SSH2: variants seen among roughly 807,000 people sequenced by gnomAD.
SSH2 encodes protein phosphatase Slingshot homolog 2.
A neutral mutation model predicts 135.2 loss-of-function variants in SSH2; 37 were observed. The ratio of observed to expected loss-of-function variants is 0.27; its 90% CI spans 0.21 to 0.36. The LOEUF (loss-of-function observed/expected upper bound fraction) is 0.36. Among genes scored for constraint, SSH2 ranks in the 10% least tolerant of loss-of-function variants. The pLI is 1.00. For missense variants in SSH2, 1,408 were observed against 1,765.3 expected (o/e 0.80, Z 3.63); for synonymous variants, 628 against 646.2 (o/e 0.97, Z 0.43).
intron 1 of SSH2, among the ~76,000 whole-genome samples, chr17:29,852,479 A>T (rs368557070): frequency 2.0e-5 from 3 of 152,046 alleles, no homozygotes; most frequent in East Asian, 3.9e-4. Context: ...TTAGTTCTAA[A>T]TTAAATTCTG....
At chr17:29,817,902 C>A (rs2042585642) in intron 2 of SSH2, among the ~76,000 whole-genome samples, 1 of 151,910 alleles carries the variant, frequency 6.6e-6, no homozygotes, top group Non-Finnish European at 1.5e-5. Context: ...GGACTACAGG[C>A]ATGTGCCACC....
chr17:29,853,374 C>T (rs549529704), intron 1 of SSH2, among the ~76,000 whole-genome samples: 2 of 151,842 alleles, frequency 1.3e-5, no homozygotes, highest in East Asian at 3.9e-4. Context: ...CATGAGCCAC[C>T]GCGCGCGGCC....
chr17:29,662,813 C>A (rs1015946830), intron 11 of SSH2, among the ~76,000 whole-genome samples: 1 of 152,140 alleles, frequency 6.6e-6, no homozygotes. Context: ...GAAACACTTT[C>A]CCAAAAGATG....
intron 1 of SSH2, among the ~76,000 whole-genome samples, chr17:29,885,049 GC>G (rs1226393320): frequency 6.6e-6 from 1 of 152,122 alleles, no homozygotes; most frequent in Non-Finnish European, 1.5e-5. Context: ...CTGAGTACGG[GC>G]TAAAGTTTAA....
intron 9 of SSH2, 147 bp from the exon 10 acceptor site, chr17:29,667,370 G>A (rs1043166646): frequency 7.8e-6 from 5 of 639,892 alleles, no homozygotes; most frequent in Admixed American, 3.0e-5. Flanking sequence ...AACTTAGAGC[G>A]TGGGTCCCCA....
chr17:29,803,520 G>A (rs2042288534), intron 2 of SSH2, among the ~76,000 whole-genome samples: 1 of 152,120 alleles, frequency 6.6e-6, no homozygotes, highest in South Asian at 2.1e-4. Context: ...TCATCCTAAA[G>A]GCTAGGCTCA....
chr17:29,873,330 CAGT>C (rs1357086708), intron 1 of SSH2, among the ~76,000 whole-genome samples: 2 of 151,942 alleles, frequency 1.3e-5, no homozygotes, highest in Non-Finnish European at 2.9e-5. Flanking sequence ...GAGGCTGAGG[CAGT>C]AGATCACCTG....
intron 3 of SSH2, among the ~76,000 whole-genome samples, chr17:29,754,050 C>T (rs2041037979): frequency 6.6e-6 from 1 of 152,144 alleles, no homozygotes. Context: ...TAGCCTTGTG[C>T]AAATCACTTC....
At chr17:29,655,678 A>T in intron 11 of SSH2, 71 bp from the exon 12 acceptor site, 2 of 1,419,716 alleles carry the variant, frequency 1.4e-6, no homozygotes, top group South Asian at 2.3e-5. Context: ...AAGGAGCGAG[A>T]GAAGAAGAAC....
chr17:29,794,882 C>A (rs1242994240), intron 2 of SSH2, among the ~76,000 whole-genome samples: 1 of 152,202 alleles, frequency 6.6e-6, no homozygotes, highest in Non-Finnish European at 1.5e-5. Flanking sequence ...TTATACTGAT[C>A]TTCACAGAGG....
At chr17:29,708,599 A>G (rs1267721865) in intron 3 of SSH2, among the ~76,000 whole-genome samples, 2 of 151,604 alleles carry the variant, frequency 1.3e-5, no homozygotes, top group East Asian at 1.9e-4. Flanking sequence ...CAAAAAAAAA[A>G]AAAAAAAACA....
At chr17:29,875,857 A>G (rs1299688482) in intron 1 of SSH2, among the ~76,000 whole-genome samples, 4 of 152,178 alleles carry the variant, frequency 2.6e-5, no homozygotes, top group Admixed American at 2.6e-4. Context: ...GGCCTTGCCT[A>G]ACATTTAATC....
chr17:29,680,942 A>G (rs2037953965), intron 6 of SSH2, among the ~76,000 whole-genome samples: 1 of 152,158 alleles, frequency 6.6e-6, no homozygotes, highest in African/African-American at 2.4e-5. Context: ...AGTGTGATCT[A>G]TAAGCTTGTG....
At chr17:29,675,552 G>A (rs1298973161) in intron 8 of SSH2, among the ~76,000 whole-genome samples, 4 of 152,138 alleles carry the variant, frequency 2.6e-5, no homozygotes, top group South Asian at 2.1e-4. Context: ...TCAGCACTTT[G>A]GGAGGCCAAG....
chr17:29,842,504 T>C (rs2043060918), intron 2 of SSH2, among the ~76,000 whole-genome samples: 1 of 150,086 alleles, frequency 6.7e-6, no homozygotes, highest in African/African-American at 2.5e-5. Flanking sequence ...GCAGCCACAA[T>C]GAGAACCACT....
intron 3 of SSH2, among the ~76,000 whole-genome samples, chr17:29,779,856 T>A (rs2729440): frequency 0.44 from 60,340 of 137,504 alleles, 13,469 homozygotes; most frequent in Non-Finnish European, 0.48. Context: ...ACAGCTTCAA[T>A]GTGATCAGTT....
At chr17:29,685,194 T>A (rs1171928697) in intron 5 of SSH2, among the ~76,000 whole-genome samples, 2 of 152,198 alleles carry the variant, frequency 1.3e-5, no homozygotes, top group Non-Finnish European at 2.9e-5. Context: ...TCAGTTTCGA[T>A]GATAATGAAA....
rs750338490 is a variant in SSH2 at position 29,632,579 on chromosome 17, T to G, written c.2615A>C (p.Glu872Ala). ...TGAGCCCTGGAGCTCTTGTTCCCCC[T>G]CAGCTGGTTCCCCTTCTTCCAAGTC... is the stretch of plus-strand genomic sequence containing the variant. ...IADLEEGEPAEGEQELQGSGM... is the reference protein window; with the variant it reads ...IADLEEGEPAAGEQELQGSGM... The change falls in exon 16 of 16, where the codon GAG becomes GCG. Residue 872 changes from glutamate to alanine, a missense_variant. Around this residue, in one of 3 missense-constraint regions of SSH2, gnomAD observed 1,080 missense variants for 1,144.5 expected, o/e 0.94. Transcript: ENST00000540801. The G allele has an allele frequency of 6.2e-7, 1 of 1,614,180 alleles. No homozygotes were observed. The highest frequency in any genetic ancestry group is 8.5e-7 in the Non-Finnish European group (1 of 1,180,036).
Position 29,913,341 on chromosome 17 carries a change from A to ATAT in SSH2, c.63+16596_63+16597insATA, listed in dbSNP as rs2066803402. Among the ~76,000 whole-genome samples the ATAT allele has an allele frequency of 1.0e-4, 5 of 47,654 alleles. 1 individual carries two copies. Among genetic ancestry groups the ATAT allele is most frequent in the East Asian group, 8.8e-4 (1 of 1,130 alleles). 31.3% of individuals were successfully genotyped at this position (47,654 alleles called of 152,430 possible). On this transcript the variant is annotated intron_variant, in intron 1 of 15. Transcript: ENST00000540801. ...TCAAAAAAAAAAAAAAAAAAAAAAA[A>ATAT]AAAAAAATATATATATATATATATA...
Sources: gnomAD v4.1 joint callset for allele counts (sites outside exome capture counted in the v4.1 genomes callset) on GRCh38, gnomAD v4.1.1 for gene constraint, gnomAD v4.1.1 regional missense constraint, MANE v1.5 for transcripts, NCBI Gene and HGNC (gene_info 2026-07-23, HGNC 2026-07-21) for gene names.